The following ADGRE2 variants were observed in gnomAD, a reference collection of about 807,000 sequenced individuals.
ADGRE2 encodes CD97 antigen.
Under a neutral mutation model 100.8 loss-of-function variants are expected in ADGRE2, and 83 were observed. That is an observed-to-expected ratio of 0.82 (90% CI 0.69 to 0.99). The LOEUF (loss-of-function observed/expected upper bound fraction) is 0.99. ADGRE2 is among the 50% of genes least tolerant of loss of function. ADGRE2 has a pLI of 0.00. For missense variants in ADGRE2, 814 were observed against 1,035.7 expected (o/e 0.79, Z 2.94); for synonymous variants, 355 against 413.0 (o/e 0.86, Z 1.70).
chr19:14,740,098 CTG>C (rs1568576542), intron 20 of ADGRE2, among the ~76,000 whole-genome samples: 1 of 123,542 alleles, frequency 8.1e-6, no homozygotes, highest in Non-Finnish European at 1.7e-5. Context: ...GAGTGAGACT[CTG>C]TCTAAAAAAA....
At position 14,755,727 on chromosome 19, in the gene ADGRE2, A is replaced by C; in HGVS notation, c.1343T>G (p.Val448Gly). The change falls in exon 13 of 21, where the codon GTG (valine) becomes GGG (glycine). Residue 448 changes from valine to glycine, a missense_variant. By Grantham distance (109) the Val-to-Gly change is moderately radical (BLOSUM62 -3). Transcript: ENST00000315576. ...GTTGTTGCTCAGAAAGGCAGAGATCACATCTGAGAGCAGGATGGGGGAGCC... is the reference window on the plus strand; with the variant it reads ...GTTGTTGCTCAGAAAGGCAGAGATCCCATCTGAGAGCAGGATGGGGGAGCC... Reference protein sequence around the residue: ...QDGSPILLSDVISAFLSNNDT... With the variant: ...QDGSPILLSDGISAFLSNNDT... The C allele has an allele frequency of 6.2e-7, 1 of 1,614,184 alleles. No individual in the cohort carries two copies. Among genetic ancestry groups the C allele is most frequent in the Non-Finnish European group, 8.5e-7 (1 of 1,180,030 alleles).
intron 14 of ADGRE2, among the ~76,000 whole-genome samples, chr19:14,753,436 T>A (rs2043369601): frequency 6.6e-6 from 1 of 152,046 alleles, no homozygotes; most frequent in South Asian, 2.1e-4. Context: ...AAGGGTGGTT[T>A]GGCCCTTTCT....
intron 16 of ADGRE2, among the ~76,000 whole-genome samples, chr19:14,748,419 G>A (rs1330943602): frequency 6.6e-6 from 1 of 151,992 alleles, no homozygotes; most frequent in African/African-American, 2.4e-5. Context: ...AGCGATTCTT[G>A]TGCCTCAGCC....
chr19:14,777,430 G>C (rs1235831484), intron 1 of ADGRE2, among the ~76,000 whole-genome samples: 3 of 152,146 alleles, frequency 2.0e-5, no homozygotes, highest in African/African-American at 4.8e-5. Context: ...AGGAGTTTGA[G>C]ACCAGCCTGG....
chr19:14,731,377 C>T (rs768125740), downstream of ADGRE2: 23 of 606,308 alleles, frequency 3.8e-5, 1 homozygote, highest in South Asian at 2.8e-4. Flanking sequence ...TTCCGGCTTC[C>T]GGGAGCTTAG....
At position 14,776,717 on chromosome 19, in the gene ADGRE2, A is replaced by T. The variant is rs771086456; in HGVS notation, c.31+9T>A. 5.0e-6 allele frequency: 8 copies of T among 1,612,746 alleles called. No homozygotes were observed. The East Asian group carries it at 1.8e-4, about 36-fold the overall frequency. On this transcript the variant is annotated intron_variant, in intron 2 of 20. Transcript: ENST00000315576. ...GCTACCACCCCCAGCGGGGCCCCAA[A>T]GTACTTACCGAGAAAGACGAGAAAG...
intron 20 of ADGRE2, among the ~76,000 whole-genome samples, chr19:14,742,338 C>G (rs1207602284): frequency 6.6e-6 from 1 of 152,110 alleles, no homozygotes; most frequent in South Asian, 2.1e-4. Context: ...CTCAAGTGAT[C>G]CTCTCACCTC....
rs185324872 is a variant in ADGRE2 at position 14,766,138 on chromosome 19, G to A, written c.634+97C>T. 5.4e-5 allele frequency: 85 copies of A among 1,581,558 alleles called. 2 individuals are homozygous for A. In the South Asian group the frequency reaches 7.1e-4, roughly 13 times the overall value. On this transcript the variant is annotated intron_variant, in intron 7 of 20. Transcript: ENST00000315576. ...GAATGAACGCCTGACACAGTCGGGC[G>A]CCTCCAGCGCTCATTCTGCTTGGTT...
chr19:14,731,072 A>G (rs2042667110), downstream of ADGRE2: 1 of 987,336 alleles, frequency 1.0e-6, no homozygotes, highest in African/African-American at 1.6e-5. Flanking sequence ...CCCTGGTCTC[A>G]AGCACCGCCC....
At chr19:14,752,003 G>A (rs1012443096) in intron 15 of ADGRE2, among the ~76,000 whole-genome samples, 2 of 148,886 alleles carry the variant, frequency 1.3e-5, no homozygotes, top group South Asian at 4.2e-4. Flanking sequence ...GTGCGATCTC[G>A]GCTTACCACA....
At chr19:14,758,810 G>A (rs1257512206) in intron 11 of ADGRE2, among the ~76,000 whole-genome samples, 1 of 150,242 alleles carries the variant, frequency 6.7e-6, no homozygotes, top group African/African-American at 2.5e-5. Flanking sequence ...GCGTGACCCC[G>A]GGAGGCGGAG....
At chr19:14,767,188 G>T (rs1045945754) in intron 5 of ADGRE2, 79 bp from the exon 6 acceptor site, 59 of 1,582,480 alleles carry the variant, frequency 3.7e-5, no homozygotes, top group Non-Finnish European at 4.8e-5. Flanking sequence ...ATGTTTCCTG[G>T]CACGGAAGCA....
intron 16 of ADGRE2, among the ~76,000 whole-genome samples, chr19:14,750,386 A>C (rs1484598476): frequency 6.6e-6 from 1 of 152,032 alleles, no homozygotes; most frequent in African/African-American, 2.4e-5. Context: ...CAAAATACCG[A>C]ACACATGAGG....
intron 16 of ADGRE2, among the ~76,000 whole-genome samples, chr19:14,749,206 T>C (rs2043184733): frequency 6.8e-6 from 1 of 146,934 alleles, no homozygotes; most frequent in African/African-American, 2.5e-5. Flanking sequence ...AATTATAATG[T>C]GATCATATAA....
intron 16 of ADGRE2, among the ~76,000 whole-genome samples, chr19:14,749,337 AATG>A (rs2043191793): frequency 3.7e-5 from 2 of 53,696 alleles, no homozygotes; most frequent in African/African-American, 3.0e-4. Context: ...ATATAATTAT[AATG>A]ATATGATAAT....
downstream of ADGRE2, among the ~76,000 whole-genome samples, chr19:14,729,158 A>T (rs2042652282): frequency 6.6e-6 from 1 of 152,112 alleles, no homozygotes; most frequent in Admixed American, 6.5e-5. Flanking sequence ...AGAGACAAGG[A>T]AGTTAACAGA....
At chr19:14,773,080 C>CAAAAAAAAAAAAAAAAAACAAAAAAA (rs2044271947) in intron 4 of ADGRE2, among the ~76,000 whole-genome samples, 1 of 45,846 alleles carries the variant, frequency 2.2e-5, no homozygotes, top group Non-Finnish European at 3.6e-5. Flanking sequence ...GACTCCATCT[C>CAAAAAAAAAAAAAAAAAACAAAAAAA]AAAAAAAAAA....
At chr19:14,774,713 G>A (rs12461001) in intron 2 of ADGRE2, among the ~76,000 whole-genome samples, 48,774 of 111,766 alleles carry the variant, frequency 0.44, 12,255 homozygotes, top group Middle Eastern at 0.53. Context: ...TTGCTCTGTC[G>A]CCCAGGCTGA....
chr19:14,766,181 A>G (rs771077675), intron 7 of ADGRE2, 54 bp downstream of exon 7: 14 of 1,612,754 alleles, frequency 8.7e-6, no homozygotes, highest in East Asian at 6.7e-5. Context: ...GCGCCGTTGA[A>G]CATGTGATCA....
Sources: gnomAD v4.1 joint callset for allele counts (sites outside exome capture counted in the v4.1 genomes callset) on GRCh38, gnomAD v4.1.1 for gene constraint, MANE v1.5 for transcripts, NCBI Gene and HGNC (gene_info 2026-07-23, HGNC 2026-07-21) for gene names.